The following NDRG1 variants were observed in gnomAD, a reference collection of about 807,000 sequenced individuals.
NDRG1 encodes N-myc downstream regulated 1.
In NDRG1, 32 loss-of-function variants were observed where a neutral mutation model predicts 56.9. The observed-to-expected ratio is 0.56, with a 90% CI of 0.42 to 0.76. NDRG1 has a LOEUF of 0.76. NDRG1 is among the 30% of genes least tolerant of loss of function. NDRG1 has a pLI of 0.00. For missense variants in NDRG1, 507 were observed against 545.7 expected (o/e 0.93, Z 0.71); for synonymous variants, 211 against 204.1 (o/e 1.03, Z -0.29).
chr8:133,248,820 A>T, intron 10 of NDRG1, 49 bp from the exon 11 acceptor site: 1 of 1,608,894 alleles, frequency 6.2e-7, no homozygotes, highest in South Asian at 1.1e-5. Flanking sequence ...CCCCTGGAGA[A>T]ATCTCCCACT....
chr8:133,262,368 A>G, intron 4 of NDRG1: 1 of 623,084 alleles, frequency 1.6e-6, no homozygotes. Flanking sequence ...AAGCAAGAGT[A>G]AGTTTCATGG....
At chr8:133,288,060 CAT>C in intron 1 of NDRG1, among the ~76,000 whole-genome samples, 1 of 152,214 alleles carries the variant, frequency 6.6e-6, no homozygotes, top group Non-Finnish European at 1.5e-5. Flanking sequence ...TATACTCACA[CAT>C]ACATACATTC....
In NDRG1 at chr8:133,250,198, G is replaced by A. The variant is rs140613866; in HGVS notation, c.698+242C>T. On this transcript the variant is annotated intron_variant, in intron 10 of 15. Coordinates refer to ENST00000323851, the MANE Select transcript of NDRG1 (RefSeq NM_006096.4). ...GAGTGTGCGACTGCGTCCCTCTCAC[G>A]TCTGCACCCCCAGTGGTCTGGAGTG... Among the ~76,000 whole-genome samples, 868 of 152,258 alleles carry A rather than the reference G, an allele frequency of 5.7e-3. 10 individuals carry two copies. The highest frequency in any genetic ancestry group is 0.02 in the African/African-American group (830 of 41,536).
At chr8:133,259,296 AC>A in intron 5 of NDRG1, 66 bp from the exon 6 acceptor site, 1 of 1,511,442 alleles carries the variant, frequency 6.6e-7, no homozygotes, top group Non-Finnish European at 9.2e-7. Context: ...AAACAGGGAC[AC>A]GCTTGAAGGG....
rs2130655008 is a variant in NDRG1 at position 133,238,887 on chromosome 8, G to C, written c.1176C>G (p.Val392=). 1 of 1,554,866 alleles carries C rather than the reference G, an allele frequency of 6.4e-7. No individual in the cohort carries two copies. The highest frequency in any genetic ancestry group is 8.7e-7 in the Non-Finnish European group (1 of 1,150,350). Residue 392 remains valine (V), a synonymous_variant, in exon 16 of 16, where the codon GTC becomes GTG. Coordinates refer to ENST00000323851, the MANE Select transcript of NDRG1 (RefSeq NM_006096.4). ...CAGCTGGGCAGGCCGCCTAGCAGGA[G>C]ACCTCCATGGACTTGGGCCCGGCGC... The part of the protein sequence containing the change: ...GNSAGPKSME[V]SC
At chr8:133,270,798 G>A (rs1325507938) in intron 3 of NDRG1, among the ~76,000 whole-genome samples, 1 of 152,112 alleles carries the variant, frequency 6.6e-6, no homozygotes, top group Non-Finnish European at 1.5e-5. Context: ...TGTTTTTTGA[G>A]CAATACTTAT....
At chr8:133,251,437 G>A (rs925919992) in intron 9 of NDRG1, among the ~76,000 whole-genome samples, 2 of 152,330 alleles carry the variant, frequency 1.3e-5, no homozygotes, top group East Asian at 3.9e-4. Context: ...CAGGAATCAC[G>A]CTGGGATTTC....
At chr8:133,274,450 C>T (rs1857352392) in intron 3 of NDRG1, among the ~76,000 whole-genome samples, 3 of 151,354 alleles carry the variant, frequency 2.0e-5, no homozygotes, top group Non-Finnish European at 2.9e-5. Flanking sequence ...TTCAGATACA[C>T]AAAATAAAGC....
intron 9 of NDRG1, among the ~76,000 whole-genome samples, 192 bp downstream of exon 9, chr8:133,254,347 C>A (rs1856248899): frequency 6.6e-6 from 1 of 152,138 alleles, no homozygotes; most frequent in Admixed American, 6.5e-5. Flanking sequence ...TTAAAAGACA[C>A]ATAAAAAAGA....
At chr8:133,291,061 C>A (rs921097196) in intron 1 of NDRG1, among the ~76,000 whole-genome samples, 2 of 152,166 alleles carry the variant, frequency 1.3e-5, no homozygotes, top group African/African-American at 4.8e-5. Flanking sequence ...CTCATTCCCT[C>A]GGGGGAGGGC....
chr8:133,287,781 C>T (rs969099470), intron 1 of NDRG1, among the ~76,000 whole-genome samples: 5 of 152,240 alleles, frequency 3.3e-5, no homozygotes, highest in Non-Finnish European at 5.9e-5. Flanking sequence ...ATACACCCCA[C>T]GCTGCGACCA....
Position 133,280,680 on chromosome 8 carries a change from T to G in NDRG1, c.64-413A>C, listed in dbSNP as rs1857745687. 2.0e-5 allele frequency among the ~76,000 whole-genome samples: 3 copies of G among 152,132 alleles called. No individual in the cohort carries two copies. The South Asian group carries it at 6.2e-4, about 31-fold the overall frequency. On this transcript the variant is annotated intron_variant, in intron 2 of 15. Coordinates refer to ENST00000323851, the MANE Select transcript of NDRG1 (RefSeq NM_006096.4). ...CGATTTCCTGACCTCATGATCCACC[T>G]GCCTCGGCCTCCCAAAGTGCTGGGG... is the stretch of plus-strand genomic sequence containing the variant.
chr8:133,243,164 C>T (rs1326177890), intron 14 of NDRG1, among the ~76,000 whole-genome samples: 2 of 152,222 alleles, frequency 1.3e-5, no homozygotes, highest in African/African-American at 4.8e-5. Flanking sequence ...TCCACTAACT[C>T]CTGCCAGGAT....
chr8:133,296,685 CCAGACA>C lies in NDRG1; in HGVS notation c.-19+443_-19+448del, dbSNP rs1293485299. On this transcript the variant is annotated intron_variant, in intron 1 of 15. Transcript: ENST00000323851. The stretch of plus-strand genomic sequence containing the variant: ...ACACTCGCGCGCAATCTCTCCGTTC[CCAGACA>C]CAGACACACACACACACACACACAC... 3.4e-4 allele frequency: 126 copies of C among 374,370 alleles called. 1 individual carries two copies. Among genetic ancestry groups the C allele is most frequent in the African/African-American group, 2.6e-3 (101 of 38,500 alleles). 23.2% of individuals were successfully genotyped at this position (374,370 alleles called of 1,614,324 possible). A position where few individuals can be genotyped will look rare whatever the true frequency, so the allele number is the denominator to read the frequency against.
rs1024935799 is a variant in NDRG1, at chr8:133,256,784, G to A, written c.530C>T (p.Ala177Val). The A allele has an allele frequency of 1.2e-6, 2 of 1,614,126 alleles. No individual in the cohort carries two copies. Among genetic ancestry groups the A allele is most frequent in the Non-Finnish European group, 1.7e-6 (2 of 1,180,028 alleles). The change falls in exon 8 of 16, where the codon GCC becomes GTC. Residue 177 changes from alanine (A) to valine (V), a missense_variant. Physicochemically the swap from Ala to Val is moderately conservative, Grantham distance 64. Coordinates refer to ENST00000323851, the MANE Select transcript of NDRG1 (RefSeq NM_006096.4). ...GACAGGCCCCCACCTCACCTTGGAG[G>A]CGGCCCAGTCCATCCAGCCTTCCGC... ...PCAEGWMDWA[A>V]SKISGWTQAL... is the part of the protein sequence containing the mutation.
chr8:133,264,481 G>C lies in NDRG1; in HGVS notation c.205+66C>G, dbSNP rs996618235. 6.2e-6 allele frequency: 9 copies of C among 1,449,982 alleles called. No homozygotes were observed. The African/African-American group carries it at 8.4e-5, about 14-fold the overall frequency. 89.8% of individuals were successfully genotyped at this position (1,449,982 alleles called of 1,614,324 possible). On this transcript the variant is annotated intron_variant, in intron 4 of 15. Coordinates refer to ENST00000323851, the MANE Select transcript of NDRG1 (RefSeq NM_006096.4). ...CAGCTCCCGGCCATCAGCCCTTCTC[G>C]GCTGCCTTTTTCCGCCACTCTCTTG...
intron 9 of NDRG1, among the ~76,000 whole-genome samples, chr8:133,253,200 G>A (rs1331238462): frequency 1.3e-5 from 2 of 152,226 alleles, no homozygotes; most frequent in Non-Finnish European, 2.9e-5. Flanking sequence ...GGCAGGCTGG[G>A]CTGATAAGAT....
intron 14 of NDRG1, 40 bp downstream of exon 14, chr8:133,244,315 A>T: frequency 6.2e-7 from 1 of 1,612,546 alleles, no homozygotes; most frequent in Non-Finnish European, 8.5e-7. Context: ...CCCAGGGGGA[A>T]GCGACAGCTG....
chr8:133,283,933 T>A (rs904169698), intron 2 of NDRG1, among the ~76,000 whole-genome samples: 2 of 152,164 alleles, frequency 1.3e-5, no homozygotes, highest in African/African-American at 2.4e-5. Context: ...TGTCTTCACT[T>A]TACAAATGAG....
Sources: allele counts gnomAD v4.1 joint callset (sites outside exome capture counted in the v4.1 genomes callset), GRCh38; gene constraint gnomAD v4.1.1; transcripts MANE v1.5; gene names NCBI Gene and HGNC (gene_info 2026-07-23, HGNC 2026-07-21).